Variants in FSHR observed in about 807,000 individuals in gnomAD.
FSHR encodes follicle-stimulating hormone receptor.
In FSHR, 46 loss-of-function variants were observed where a neutral mutation model predicts 52.1. The observed-to-expected ratio is 0.88, with a 90% CI of 0.70 to 1.13. The LOEUF (loss-of-function observed/expected upper bound fraction) is 1.13. FSHR is among the 50% of genes most tolerant of loss of function. FSHR has a pLI of 0.00. For synonymous variants in FSHR, 399 were observed against 309.6 expected (o/e 1.29, Z -3.03); for missense variants, 964 against 834.6 (o/e 1.16, Z -1.91).
At chr2:49,087,830 G>GA (rs908433495) in intron 1 of FSHR, among the ~76,000 whole-genome samples, 4 of 151,874 alleles carry the variant, frequency 2.6e-5, no homozygotes, top group Non-Finnish European at 4.4e-5. Flanking sequence ...AGTTTCTTAG[G>GA]AAAAAAACAG....
Position 49,017,538 on chromosome 2 carries a change from G to A in FSHR, c.325C>T (p.Leu109Phe). The A allele has an allele frequency of 6.2e-7, 1 of 1,613,460 alleles. No homozygotes were observed. Among genetic ancestry groups the A allele is most frequent in the Non-Finnish European group, 8.5e-7 (1 of 1,179,572 alleles). The change falls in exon 4 of 10, where the codon CTC (leucine) becomes TTC (phenylalanine). Residue 109 changes from leucine to phenylalanine, a missense_variant. Transcript: ENST00000406846. ...TGGAAGGCCTCAGGGTTGATGTAGA[G>A]CAGGTTGTTGGCCTTTTCAATTCTA... Reference protein sequence around the residue: ...EIRIEKANNLLYINPEAFQNL... With the variant: ...EIRIEKANNLFYINPEAFQNL...
chr2:48,999,664 C>T (rs147778417), intron 4 of FSHR, among the ~76,000 whole-genome samples: 2 of 152,136 alleles, frequency 1.3e-5, no homozygotes, highest in African/African-American at 4.8e-5. Context: ...AATACAAATA[C>T]TTTGTTTGTG....
At chr2:49,023,883 G>A (rs1203652765) in intron 2 of FSHR, among the ~76,000 whole-genome samples, 1 of 152,100 alleles carries the variant, frequency 6.6e-6, no homozygotes, top group Non-Finnish European at 1.5e-5. Flanking sequence ...TCTGGTGTGG[G>A]TTTCAGAGCC....
At chr2:49,079,387 T>G (rs550807024) in intron 1 of FSHR, among the ~76,000 whole-genome samples, 1 of 152,140 alleles carries the variant, frequency 6.6e-6, no homozygotes, top group African/African-American at 2.4e-5. Context: ...ATGTGGAAAT[T>G]AACTGGCTGA....
chr2:48,983,262 G>A, intron 6 of FSHR, 96 bp from the exon 7 acceptor site: 1 of 1,126,264 alleles, frequency 8.9e-7, no homozygotes, highest in Non-Finnish European at 1.3e-6. Flanking sequence ...AGACAGCACA[G>A]GTTAGTGGCA....
chr2:48,985,110 TGAC>T (rs1387558022), intron 6 of FSHR, among the ~76,000 whole-genome samples: 3 of 9,444 alleles, frequency 3.2e-4, no homozygotes, highest in African/African-American at 1.2e-3. Flanking sequence ...AACCAGATGA[TGAC>T]GATGATGACG....
At chr2:49,035,649 G>A (rs11883774) in intron 2 of FSHR, among the ~76,000 whole-genome samples, 96 of 152,256 alleles carry the variant, frequency 6.3e-4, no homozygotes, top group African/African-American at 2.2e-3. Context: ...ACAGAATAAC[G>A]CTTAGTGAGA....
chr2:49,060,717 C>G, intron 2 of FSHR, among the ~76,000 whole-genome samples: 1 of 152,184 alleles, frequency 6.6e-6, no homozygotes, highest in South Asian at 2.1e-4. Flanking sequence ...ATGCCAAATA[C>G]CTCTAGTACC....
intron 2 of FSHR, among the ~76,000 whole-genome samples, chr2:49,055,800 C>G (rs1253223730): frequency 6.6e-6 from 1 of 151,844 alleles, no homozygotes; most frequent in Non-Finnish European, 1.5e-5. Flanking sequence ...AATACTATAC[C>G]CAGCAAAGCT....
At chr2:49,061,738 A>C (rs931199337) in intron 2 of FSHR, among the ~76,000 whole-genome samples, 1 of 60,932 alleles carries the variant, frequency 1.6e-5, no homozygotes, top group African/African-American at 4.2e-5. Context: ...ATATATAGCT[A>C]TTTATATATA....
chr2:49,145,877 G>A (rs1672851989), intron 1 of FSHR, among the ~76,000 whole-genome samples: 2 of 152,150 alleles, frequency 1.3e-5, no homozygotes, highest in South Asian at 4.2e-4. Flanking sequence ...AGTAATATTG[G>A]AGTAGGAGAA....
At chr2:49,124,150 G>A (rs963202235) in intron 1 of FSHR, among the ~76,000 whole-genome samples, 11 of 132,284 alleles carry the variant, frequency 8.3e-5, no homozygotes, top group African/African-American at 2.4e-4. Context: ...CCACCACCAC[G>A]TCCGGCTAAT....
chr2:49,080,192 CCCA>C (rs1670115163), intron 1 of FSHR, among the ~76,000 whole-genome samples: 1 of 152,092 alleles, frequency 6.6e-6, no homozygotes, highest in African/African-American at 2.4e-5. Context: ...AAAGGAAAAT[CCCA>C]CAGTATCCAT....
intron 2 of FSHR, among the ~76,000 whole-genome samples, chr2:49,042,447 C>G (rs1230435657): frequency 6.6e-6 from 1 of 152,180 alleles, no homozygotes; most frequent in African/African-American, 2.4e-5. Context: ...TGGGATAAGT[C>G]TCACAAGGGG....
chr2:48,972,845 C>T (rs1304463924), intron 8 of FSHR, among the ~76,000 whole-genome samples: 1 of 152,166 alleles, frequency 6.6e-6, no homozygotes, highest in East Asian at 1.9e-4. Flanking sequence ...TTGATTATGT[C>T]TCCCCCTTGA....
At chr2:49,090,318 C>G (rs945017411) in intron 1 of FSHR, among the ~76,000 whole-genome samples, 2 of 152,136 alleles carry the variant, frequency 1.3e-5, no homozygotes, top group African/African-American at 4.8e-5. Context: ...CCAATCTGTT[C>G]TCTGTTACTA....
chr2:49,116,234 T>C (rs980766204), intron 1 of FSHR, among the ~76,000 whole-genome samples: 1 of 152,108 alleles, frequency 6.6e-6, no homozygotes, highest in African/African-American at 2.4e-5. Flanking sequence ...TGGAGGAAAA[T>C]AGGGAACCCT....
chr2:49,072,807 A>C (rs1465670031), intron 1 of FSHR, among the ~76,000 whole-genome samples: 2 of 151,208 alleles, frequency 1.3e-5, no homozygotes, highest in East Asian at 3.9e-4. Flanking sequence ...TTATAATTTC[A>C]ACACTGAAAA....
intron 2 of FSHR, among the ~76,000 whole-genome samples, chr2:49,063,323 A>G (rs534052187): frequency 6.6e-6 from 1 of 152,238 alleles, no homozygotes; most frequent in South Asian, 2.1e-4. Context: ...CAGTGCTGTA[A>G]ATATGTCAAA....
Sources: allele counts gnomAD v4.1 joint callset (sites outside exome capture counted in the v4.1 genomes callset), GRCh38; gene constraint gnomAD v4.1.1; transcripts MANE v1.5; gene names NCBI Gene and HGNC (gene_info 2026-07-23, HGNC 2026-07-21).